Variants in TANC2 observed in about 807,000 individuals in gnomAD.
The protein encoded by TANC2 is tetratricopeptide repeat, ankyrin repeat and coiled-coil containing 2.
In TANC2, 26 loss-of-function variants were observed where a neutral mutation model predicts 210.5. That is an observed-to-expected ratio of 0.12 (90% CI 0.09 to 0.17). The LOEUF (loss-of-function observed/expected upper bound fraction) is 0.17. Among genes scored for constraint, TANC2 ranks in the 10% least tolerant of loss-of-function variants. TANC2 has a pLI of 1.00. For missense variants in TANC2, 2,129 were observed against 2,608.9 expected (o/e 0.82, Z 4.01); for synonymous variants, 931 against 967.1 (o/e 0.96, Z 0.69).
chr17:63,351,676 A>G (rs2046614677), intron 13 of TANC2, among the ~76,000 whole-genome samples: 1 of 152,114 alleles, frequency 6.6e-6, no homozygotes, highest in African/African-American at 2.4e-5. Flanking sequence ...AAGAAAGTCA[A>G]TTTTTCTAGA....
chr17:63,145,071 A>T (rs111493768), intron 4 of TANC2, among the ~76,000 whole-genome samples: 16 of 150,440 alleles, frequency 1.1e-4, no homozygotes, highest in Non-Finnish European at 2.2e-4. Context: ...ATTGTTCTTG[A>T]TCCCCCCACC....
At chr17:63,240,191 A>C (rs558867920) in intron 8 of TANC2, among the ~76,000 whole-genome samples, 2 of 152,312 alleles carry the variant, frequency 1.3e-5, no homozygotes, top group Admixed American at 1.3e-4. Context: ...ACCAACCATA[A>C]TAGTATGTCC....
chr17:63,323,368 A>G lies in TANC2; in HGVS notation c.1575+4278A>G, dbSNP rs181936283. Reference sequence around the variant, plus strand: ...TTTGTCACAACTTTAGAACTATTTCATTTATTGAAGAAATACTTTCCATTT... The same window carrying G: ...TTTGTCACAACTTTAGAACTATTTCGTTTATTGAAGAAATACTTTCCATTT... On this transcript the variant is annotated intron_variant, in intron 11 of 27. Coordinates refer to ENST00000689528, the Ensembl canonical transcript of TANC2. Among the ~76,000 whole-genome samples, 109 of 152,314 alleles carry G rather than the reference A, an allele frequency of 7.2e-4. 1 individual carries two copies. Among genetic ancestry groups the G allele is most frequent in the African/African-American group, 2.5e-3 (106 of 41,570 alleles).
At chr17:63,236,518 A>G (rs778830406) in intron 7 of TANC2, among the ~76,000 whole-genome samples, 21 of 152,224 alleles carry the variant, frequency 1.4e-4, no homozygotes, top group Middle Eastern at 3.4e-3. Context: ...AATTTTATAA[A>G]TCAATGAAGT....
At chr17:63,280,033 C>T (rs945122653) in intron 9 of TANC2, among the ~76,000 whole-genome samples, 1 of 152,060 alleles carries the variant, frequency 6.6e-6, no homozygotes, top group African/African-American at 2.4e-5. Flanking sequence ...TAGTCAGTAT[C>T]ACTCAATTCT....
intron 5 of TANC2, among the ~76,000 whole-genome samples, chr17:63,159,541 T>G (rs1404009923): frequency 6.6e-6 from 1 of 152,162 alleles, no homozygotes; most frequent in Non-Finnish European, 1.5e-5. Context: ...ATCCACAGGT[T>G]CTACAGCCAT....
chr17:63,282,990 A>G (rs116612572), intron 9 of TANC2, among the ~76,000 whole-genome samples: 1 of 152,176 alleles, frequency 6.6e-6, no homozygotes, highest in African/African-American at 2.4e-5. Context: ...TTTATGTCTT[A>G]GAGGACTGGC....
intron 4 of TANC2, among the ~76,000 whole-genome samples, chr17:63,100,178 CA>C (rs1354489978): frequency 6.6e-6 from 1 of 152,062 alleles, no homozygotes; most frequent in Non-Finnish European, 1.5e-5. Flanking sequence ...TCCTGTCTGA[CA>C]TTGAGCTAGA....
intron 1 of TANC2, among the ~76,000 whole-genome samples, chr17:63,009,282 A>G (rs2033761521): frequency 3.3e-5 from 5 of 151,536 alleles, no homozygotes; most frequent in Admixed American, 3.3e-4. Flanking sequence ...ATTTGTTTTT[A>G]CTTTTTGTGG....
At chr17:63,084,027 C>T (rs1328736339) in intron 3 of TANC2, among the ~76,000 whole-genome samples, 3 of 152,160 alleles carry the variant, frequency 2.0e-5, no homozygotes, top group African/African-American at 7.2e-5. Flanking sequence ...CCTTCTGCTT[C>T]TACCTTTTGA....
intron 5 of TANC2, among the ~76,000 whole-genome samples, chr17:63,175,964 A>G (rs1345000509): frequency 6.6e-6 from 1 of 152,244 alleles, no homozygotes; most frequent in African/African-American, 2.4e-5. Flanking sequence ...GTTCAACACC[A>G]TTATCAGGAG....
At position 63,313,789 on chromosome 17, in the gene TANC2, C is replaced by T. The variant is rs542876463; in HGVS notation, c.1160-599C>T. ...GCATGAACTTAAAGGAATTACTATT[C>T]TCATTGGTGTTTTTAAAGAAACAAA... On this transcript the variant is annotated intron_variant, in intron 9 of 27. Coordinates refer to ENST00000689528, the Ensembl canonical transcript of TANC2. Among the ~76,000 whole-genome samples the T allele has an allele frequency of 1.1e-3, 174 of 152,224 alleles. 1 individual carries two copies. The highest frequency in any genetic ancestry group is 5.9e-5 in the Non-Finnish European group (4 of 68,022).
chr17:63,389,340 T>C, exon 17 of TANC2: 1 of 1,612,858 alleles, frequency 6.2e-7, no homozygotes, highest in Non-Finnish European at 8.5e-7. Context: ...GAGGTGCCAA[T>C]ATTAATTACC....
At position 63,213,135 on chromosome 17, in the gene TANC2, C is replaced by T. The variant is rs546633198; in HGVS notation, c.769+12178C>T. On this transcript the variant is annotated intron_variant, in intron 7 of 27. Transcript: ENST00000689528. ...GAAACCCATTACTACCCTCTCAGAC[C>T]TTTACAAGTGTAATGTTTCAGTGTT... 5.3e-5 allele frequency among the ~76,000 whole-genome samples: 8 copies of T among 152,280 alleles called. No homozygotes were observed. The East Asian group carries it at 1.2e-3, about 22-fold the overall frequency.
intron 7 of TANC2, among the ~76,000 whole-genome samples, chr17:63,222,924 A>G (rs898628647): frequency 6.6e-6 from 1 of 152,236 alleles, no homozygotes; most frequent in Admixed American, 6.5e-5. Flanking sequence ...CATGTGGCAT[A>G]TACACAATGG....
intron 8 of TANC2, among the ~76,000 whole-genome samples, chr17:63,264,263 C>T (rs2043455622): frequency 6.6e-6 from 1 of 152,172 alleles, no homozygotes; most frequent in Non-Finnish European, 1.5e-5. Flanking sequence ...GGGAAGTGTA[C>T]TCAACCTCTG....
intron 14 of TANC2, among the ~76,000 whole-genome samples, chr17:63,368,414 G>T (rs1831742012): frequency 6.6e-6 from 1 of 152,174 alleles, no homozygotes; most frequent in Non-Finnish European, 1.5e-5. Flanking sequence ...ATAACTTTGT[G>T]CATTACCAGC....
intron 19 of TANC2, 131 bp from the exon 20 acceptor site, chr17:63,404,988 AGGT>A: frequency 1.9e-6 from 2 of 1,077,026 alleles, no homozygotes; most frequent in Non-Finnish European, 2.5e-6. Flanking sequence ...TTTATGGAAA[AGGT>A]GGCAAAAATC....
At chr17:63,238,232 A>G (rs892685140) in intron 8 of TANC2, among the ~76,000 whole-genome samples, 155 bp downstream of exon 8, 1 of 152,084 alleles carries the variant, frequency 6.6e-6, no homozygotes, top group African/African-American at 2.4e-5. Context: ...GGTAATATAC[A>G]TGTATATATT....
Sources: gnomAD v4.1 joint callset for allele counts (sites outside exome capture counted in the v4.1 genomes callset) on GRCh38, gnomAD v4.1.1 for gene constraint, MANE v1.5 for transcripts, NCBI Gene and HGNC (gene_info 2026-07-23, HGNC 2026-07-21) for gene names.